Variants in ADAM2 observed in about 807,000 individuals in gnomAD.
ADAM2 encodes ADAM metallopeptidase domain 2.
In ADAM2, 101 loss-of-function variants were observed where a neutral mutation model predicts 99.3. That is an observed-to-expected ratio of 1.02 (90% CI 0.87 to 1.20). The LOEUF is 1.20. Among genes scored for constraint, ADAM2 ranks in the 50% most tolerant of loss-of-function variants. ADAM2 has a pLI of 0.00. For missense variants in ADAM2, 948 were observed against 878.7 expected (o/e 1.08, Z -1.00); for synonymous variants, 323 against 287.6 (o/e 1.12, Z -1.25).
intron 7 of ADAM2, among the ~76,000 whole-genome samples, chr8:39,803,201 C>G (rs959955082): frequency 9.9e-5 from 15 of 152,122 alleles, no homozygotes; most frequent in African/African-American, 3.1e-4. Context: ...AAATTTTGAT[C>G]AAACCGCTCG....
In ADAM2 at chr8:39,810,576, C is replaced by A. The variant is rs558776848; in HGVS notation, c.514-1110G>T. On this transcript the variant is annotated intron_variant, in intron 6 of 20. Coordinates refer to ENST00000265708, the MANE Select transcript of ADAM2 (RefSeq NM_001464.5). ...AAATGTAAAAGAACAGAAATTATAA[C>A]AAACTCTCTCTCAGACCACAGTGCA... 9.3e-4 allele frequency among the ~76,000 whole-genome samples: 141 copies of A among 152,300 alleles called. 1 individual carries two copies. Among genetic ancestry groups the A allele is most frequent in the African/African-American group, 3.3e-3 (136 of 41,562 alleles).
intron 11 of ADAM2, among the ~76,000 whole-genome samples, chr8:39,771,963 A>G (rs1394366642): frequency 1.3e-5 from 2 of 152,058 alleles, no homozygotes; most frequent in African/African-American, 4.8e-5. Context: ...TAGCATTAGG[A>G]GATATACCTA....
chr8:39,822,773 T>G (rs1354056116), intron 4 of ADAM2, among the ~76,000 whole-genome samples: 1 of 152,092 alleles, frequency 6.6e-6, no homozygotes, highest in Admixed American at 6.6e-5. Flanking sequence ...TTTTGTTTTT[T>G]GTTTTTTGCT....
At chr8:39,767,868 T>C (rs141379064) in intron 12 of ADAM2, among the ~76,000 whole-genome samples, 3 of 149,832 alleles carry the variant, frequency 2.0e-5, no homozygotes, top group African/African-American at 4.9e-5. Context: ...GTAAAAGCAA[T>C]AGATAAGAAG....
At chr8:39,810,190 G>A (rs1804635698) in intron 6 of ADAM2, among the ~76,000 whole-genome samples, 1 of 152,132 alleles carries the variant, frequency 6.6e-6, no homozygotes, top group Non-Finnish European at 1.5e-5. Flanking sequence ...GACAAAGAAG[G>A]CCATTACATA....
chr8:39,824,790 A>T, intron 4 of ADAM2, 29 bp downstream of exon 4: 1 of 1,273,402 alleles, frequency 7.9e-7, no homozygotes, highest in Non-Finnish European at 1.1e-6. Flanking sequence ...CTCACATGAC[A>T]AAAATAAAAG....
Position 39,834,732 on chromosome 8 carries a change from CAA to C in ADAM2, c.133-735_133-734del, listed in dbSNP as rs79431764. ...CCTGGGCGACAGGGCAAGACTCCATCAAAAAAAAAAAAAAAAAAAAAAAAAGG... is the reference window on the plus strand; with the variant it reads ...CCTGGGCGACAGGGCAAGACTCCATCAAAAAAAAAAAAAAAAAAAAAAAGG... On this transcript the variant is annotated intron_variant, in intron 2 of 20. Coordinates refer to ENST00000265708, the MANE Select transcript of ADAM2 (RefSeq NM_001464.5). Among the ~76,000 whole-genome samples the C allele has an allele frequency of 5.6e-3, 298 of 52,898 alleles. 4 individuals carry two copies. In the Admixed American group the frequency reaches 0.063, roughly 11 times the overall value. 34.7% of individuals were successfully genotyped at this position (52,898 alleles called of 152,430 possible).
At chr8:39,823,335 T>G (rs1805275532) in intron 4 of ADAM2, among the ~76,000 whole-genome samples, 1 of 152,104 alleles carries the variant, frequency 6.6e-6, no homozygotes, top group Non-Finnish European at 1.5e-5. Context: ...TTAAGATAAA[T>G]AAATAATCCA....
chr8:39,811,699 C>T (rs1051758193), intron 6 of ADAM2, among the ~76,000 whole-genome samples: 5 of 152,160 alleles, frequency 3.3e-5, no homozygotes, highest in Non-Finnish European at 7.3e-5. Context: ...TCAACAGATG[C>T]AGAAAAGGCC....
At chr8:39,818,636 CT>C (rs564250179) in intron 6 of ADAM2, among the ~76,000 whole-genome samples, 214 of 152,110 alleles carry the variant, frequency 1.4e-3, no homozygotes, top group African/African-American at 4.9e-3. Context: ...ACAAGATAAA[CT>C]ATCTTTATTC....
chr8:39,815,414 C>T (rs1332678997), intron 6 of ADAM2, among the ~76,000 whole-genome samples: 1 of 152,018 alleles, frequency 6.6e-6, no homozygotes, highest in Non-Finnish European at 1.5e-5. Context: ...AATAGATACT[C>T]AAATTTAGGA....
chr8:39,805,835 G>T (rs2129586708), intron 7 of ADAM2, among the ~76,000 whole-genome samples: 1 of 152,312 alleles, frequency 6.6e-6, no homozygotes, highest in Admixed American at 6.5e-5. Flanking sequence ...AACATAGATT[G>T]TGAAACTGGT....
rs557092467 is a variant in ADAM2 at position 39,751,254 on chromosome 8, T to C, written c.1798-1510A>G. 7.1e-4 allele frequency among the ~76,000 whole-genome samples: 108 copies of C among 152,334 alleles called. 1 individual carries two copies. The highest frequency in any genetic ancestry group is 2.5e-3 in the African/African-American group (104 of 41,592). ...ATACAGATTAGTGCTGCTGTAGTTATAAATCTATCTATTCTGTTAGCATGC... is the reference window on the plus strand; with the variant it reads ...ATACAGATTAGTGCTGCTGTAGTTACAAATCTATCTATTCTGTTAGCATGC... On this transcript the variant is annotated intron_variant, in intron 16 of 20. Transcript: ENST00000265708.
chr8:39,814,007 A>G (rs1804815109), intron 6 of ADAM2, among the ~76,000 whole-genome samples: 1 of 151,850 alleles, frequency 6.6e-6, no homozygotes, highest in South Asian at 2.1e-4. Flanking sequence ...AACTACACAG[A>G]TGCATGAGAG....
intron 18 of ADAM2, among the ~76,000 whole-genome samples, chr8:39,747,537 A>T (rs908710781): frequency 6.6e-6 from 1 of 152,212 alleles, no homozygotes; most frequent in South Asian, 2.1e-4. Context: ...AGATTTTAAC[A>T]GAGGTGTTTA....
intron 14 of ADAM2, 134 bp from the exon 15 acceptor site, chr8:39,761,415 A>C (rs1226676607): frequency 1.4e-5 from 7 of 482,768 alleles, no homozygotes; most frequent in African/African-American, 4.0e-5. Context: ...CATTCAAAAT[A>C]AAAACTAGAT....
chr8:39,769,799 CTT>C (rs948868260), intron 11 of ADAM2, among the ~76,000 whole-genome samples: 44 of 152,176 alleles, frequency 2.9e-4, no homozygotes, highest in African/African-American at 1.0e-3. Flanking sequence ...TCCTATGACA[CTT>C]ATTCATGACA....
At chr8:39,751,677 T>G (rs1427705692) in intron 16 of ADAM2, among the ~76,000 whole-genome samples, 1 of 152,214 alleles carries the variant, frequency 6.6e-6, no homozygotes, top group Admixed American at 6.5e-5. Flanking sequence ...AAACAATTCT[T>G]TTTTATTCTT....
At chr8:39,830,325 G>A (rs904459093) in intron 3 of ADAM2, among the ~76,000 whole-genome samples, 12 of 152,050 alleles carry the variant, frequency 7.9e-5, no homozygotes, top group East Asian at 1.9e-4. Context: ...CTGGCCCATA[G>A]GTCAAATCCA....
Sources: gnomAD v4.1 joint callset for allele counts (sites outside exome capture counted in the v4.1 genomes callset) on GRCh38, gnomAD v4.1.1 for gene constraint, MANE v1.5 for transcripts, NCBI Gene and HGNC (gene_info 2026-07-23, HGNC 2026-07-21) for gene names.